Variants in GTF2I observed in about 807,000 individuals in gnomAD.
GTF2I encodes general transcription factor IIi, also known as general transcription factor II-I.
In GTF2I, 12 loss-of-function variants were observed where a neutral mutation model predicts 67.6. That is an observed-to-expected ratio of 0.18 (90% confidence interval 0.11 to 0.29). GTF2I has a LOEUF of 0.29. GTF2I is among the 10% of genes least tolerant of loss of function. The probability of loss-of-function intolerance (pLI) is 1.00; values close to 1 mark genes in which losing one functional copy is unlikely to be tolerated. For missense variants in GTF2I, 271 were observed against 580.1 expected, an observed-to-expected ratio of 0.47 and a Z score of 5.47; for synonymous variants, 149 against 197.0, an observed-to-expected ratio of 0.76 and a Z score of 2.04.
chr7:74,706,387 C>T lies in GTF2I; in HGVS notation c.642-3C>T, dbSNP rs781863138. On this transcript the variant is annotated splice_polypyrimidine_tract_variant and splice_region_variant and intron_variant, in intron 7 of 34. Transcript: ENST00000573035. ...CTTGATCAGGGCTTTCTTCTCCTTG[C>T]AGTTGTGGCCCCATCAAAGTGAAAA... 6 of 1,613,000 alleles carry T rather than the reference C, an allele frequency of 3.7e-6. No individual in the cohort carries two copies. Among genetic ancestry groups the T allele is most frequent in the African/African-American group, 1.3e-5 (1 of 74,904 alleles).
chr7:74,707,354 G>A (rs1790873072), intron 8 of GTF2I, among the ~76,000 whole-genome samples: 1 of 152,158 alleles, frequency 6.6e-6, no homozygotes, highest in Admixed American at 6.6e-5. Context: ...CCCTCTGTCT[G>A]ACCAGGCCCT....
intron 1 of GTF2I, among the ~76,000 whole-genome samples, chr7:74,680,094 A>AT (rs1554393634): frequency 2.2e-3 from 239 of 108,116 alleles, no homozygotes; most frequent in Non-Finnish European, 3.1e-3. Context: ...AAAAAAAAAA[A>AT]AAAAAATATA....
At chr7:74,689,521 A>C (rs1554396405) in intron 2 of GTF2I, among the ~76,000 whole-genome samples, 2 of 150,418 alleles carry the variant, frequency 1.3e-5, no homozygotes, top group East Asian at 3.9e-4. Context: ...CACCTGGCTA[A>C]TTTTTTGTAT....
chr7:74,694,486 C>A (rs1384779922), intron 3 of GTF2I, among the ~76,000 whole-genome samples: 6 of 152,140 alleles, frequency 3.9e-5, no homozygotes, highest in Admixed American at 3.3e-4. Flanking sequence ...GCTCTGGAGG[C>A]TGAGGTACGA....
At chr7:74,660,210 A>C (rs1554385812) in intron 1 of GTF2I, among the ~76,000 whole-genome samples, 1 of 138,776 alleles carries the variant, frequency 7.2e-6, no homozygotes, top group African/African-American at 2.7e-5. Context: ...GCTGTTGTTG[A>C]GAGGGTTTCG....
chr7:74,682,405 A>C (rs587734455), intron 1 of GTF2I, among the ~76,000 whole-genome samples: 1 of 152,318 alleles, frequency 6.6e-6, no homozygotes, highest in African/African-American at 2.4e-5. Flanking sequence ...CAGAAGTGAG[A>C]ATTACTCTTG....
intron 9 of GTF2I, 88 bp from the exon 10 acceptor site, chr7:74,714,769 G>A: frequency 1.5e-6 from 1 of 659,774 alleles, no homozygotes. Context: ...GCCATTCCAT[G>A]TATCTCACCC....
intron 12 of GTF2I, among the ~76,000 whole-genome samples, chr7:74,721,200 C>T (rs1554404563): frequency 6.6e-5 from 10 of 152,182 alleles, no homozygotes; most frequent in Non-Finnish European, 1.3e-4. Flanking sequence ...CGCCGCCATG[C>T]TCGGCTAATT....
chr7:74,705,015 G>A lies in GTF2I; in HGVS notation c.587-149G>A, dbSNP rs1413032088. ...TTTTCATTCAAGGAGGTTGTGGTTG[G>A]GTGAAGGGATGAAAAGCAGTGTTTA... On this transcript the variant is annotated intron_variant, in intron 6 of 34. Transcript: ENST00000573035. 4 of 636,958 alleles carry A rather than the reference G, an allele frequency of 6.3e-6. No individual in the cohort carries two copies. In the Middle Eastern group the frequency reaches 9.6e-4, roughly 154 times the overall value. The allele number at this position is 636,958 out of a possible 1,614,324, so 39.5% of individuals were successfully genotyped here. A position where few individuals can be genotyped will look rare whatever the true frequency, so the allele number is the denominator to read the frequency against.
intron 1 of GTF2I, among the ~76,000 whole-genome samples, chr7:74,665,196 C>T (rs945055139): frequency 6.6e-6 from 1 of 152,126 alleles, no homozygotes. Flanking sequence ...CCCGCCTCGG[C>T]CTCCCAAAGT....
chr7:74,721,391 C>T (rs1334650967), intron 12 of GTF2I, among the ~76,000 whole-genome samples: 1 of 152,126 alleles, frequency 6.6e-6, no homozygotes, highest in Non-Finnish European at 1.5e-5. Flanking sequence ...ATTTAATGTT[C>T]ACATTTGTGA....
At chr7:74,706,336 T>C (rs900367378) in intron 7 of GTF2I, 54 bp from the exon 8 acceptor site, 4 of 1,478,746 alleles carry the variant, frequency 2.7e-6, no homozygotes, top group African/African-American at 1.4e-5. Flanking sequence ...TTGAATGCTG[T>C]GGGAATGGCT....
At chr7:74,715,041 T>C (rs1792091319) in intron 10 of GTF2I, 125 bp downstream of exon 10, 2 of 528,664 alleles carry the variant, frequency 3.8e-6, no homozygotes, top group East Asian at 6.6e-5. Context: ...AGGAAAAAAA[T>C]GTATTGGCCT....
chr7:74,716,068 T>G (rs113329061), intron 10 of GTF2I, among the ~76,000 whole-genome samples: 55 of 151,346 alleles, frequency 3.6e-4, no homozygotes, highest in African/African-American at 1.0e-3. Flanking sequence ...AGGTAATATG[T>G]TTTTTTTTGG....
At chr7:74,693,483 T>C (rs1788562472) in intron 3 of GTF2I, among the ~76,000 whole-genome samples, 1 of 152,036 alleles carries the variant, frequency 6.6e-6, no homozygotes, top group Non-Finnish European at 1.5e-5. Context: ...GTGTTCTGAC[T>C]GCTTCACCAA....
chr7:74,699,229 CTT>C, intron 4 of GTF2I, 134 bp downstream of exon 4: 1 of 428,352 alleles, frequency 2.3e-6, no homozygotes, highest in Non-Finnish European at 4.1e-6. Context: ...AATAACCTTA[CTT>C]TCTTCCACTT....
At chr7:74,692,300 C>T (rs1330888700) in intron 3 of GTF2I, among the ~76,000 whole-genome samples, 1 of 152,018 alleles carries the variant, frequency 6.6e-6, no homozygotes, top group Non-Finnish European at 1.5e-5. Flanking sequence ...GTCTTGAGCT[C>T]CTGACCCGAG....
chr7:74,710,607 G>GA (rs1791421037), intron 8 of GTF2I, among the ~76,000 whole-genome samples: 1 of 152,072 alleles, frequency 6.6e-6, no homozygotes, highest in Non-Finnish European at 1.5e-5. Flanking sequence ...GTATTAGGCA[G>GA]AAAAAAACCA....
Position 74,687,474 on chromosome 7 carries a change from C to T in GTF2I, c.-5-1650C>T, listed in dbSNP as rs971724601. 308 of 645,996 alleles carry T rather than the reference C, an allele frequency of 4.8e-4. 2 individuals carry two copies. The highest frequency in any genetic ancestry group is 5.4e-4 in the Non-Finnish European group (279 of 519,576). The allele number at this position is 645,996 out of a possible 1,614,324, so 40.0% of individuals were successfully genotyped here. A position where few individuals can be genotyped will look rare whatever the true frequency, so the allele number is the denominator to read the frequency against. Reference sequence around the variant, plus strand: ...CTGACCTCAAGAGATCCACCCGCCTCGGCCTTCCAAAGGGCTGGGATTACA... The same window carrying T: ...CTGACCTCAAGAGATCCACCCGCCTTGGCCTTCCAAAGGGCTGGGATTACA... On this transcript the variant is annotated intron_variant, in intron 1 of 34. Coordinates refer to ENST00000573035, the MANE Select transcript of GTF2I (RefSeq NM_032999.4).
Sources: gnomAD v4.1 joint callset for allele counts (sites outside exome capture counted in the v4.1 genomes callset) on GRCh38, gnomAD v4.1.1 for gene constraint, MANE v1.5 for transcripts, NCBI Gene and HGNC (gene_info 2026-07-23, HGNC 2026-07-21) for gene names.